ARID1B: variants seen among roughly 807,000 people sequenced by gnomAD.
ARID1B encodes the protein AT-rich interaction domain 1B.
ARID1B carries 30 observed loss-of-function variants against 212.3 expected under a neutral mutation model. That is an observed-to-expected ratio of 0.14 (90% CI 0.11 to 0.19). The LOEUF is 0.19. ARID1B is among the 10% of genes least tolerant of loss of function. The probability of loss-of-function intolerance (pLI) is 1.00; values close to 1 mark genes in which losing one functional copy is unlikely to be tolerated. For missense variants in ARID1B, 2,891 were observed against 3,204.0 expected (o/e 0.90, Z 2.36); for synonymous variants, 1,402 against 1,301.7 (o/e 1.08, Z -1.66).
At chr6:156,795,570 T>C (rs571282703) in intron 1 of ARID1B, among the ~76,000 whole-genome samples, 2 of 152,182 alleles carry the variant, frequency 1.3e-5, no homozygotes, top group East Asian at 3.9e-4. Context: ...AGTTCTTCAG[T>C]GAGGTTATTT....
chr6:157,182,943 T>G (rs1792671628), intron 12 of ARID1B, among the ~76,000 whole-genome samples: 1 of 152,174 alleles, frequency 6.6e-6, no homozygotes, highest in Non-Finnish European at 1.5e-5. Context: ...AACGATTAGA[T>G]TTTATCAGCC....
At position 157,062,091 on chromosome 6, in the gene ARID1B, C is replaced by T. The variant is rs147994248; in HGVS notation, c.2248-22571C>T. ...GGAGATAATAAAATGTTTGACAAAG[C>T]AGTCATGATAAGCCGAATCTACTTT... is the stretch of plus-strand genomic sequence containing the variant. On this transcript the variant is annotated intron_variant, in intron 4 of 19. Coordinates refer to ENST00000636930, the MANE Select transcript of ARID1B (RefSeq NM_001374828.1). 8.1e-3 allele frequency among the ~76,000 whole-genome samples: 1,232 copies of T among 152,318 alleles called. 21 individuals carry two copies. The highest frequency in any genetic ancestry group is 0.028 in the African/African-American group (1,179 of 41,562).
At chr6:156,954,471 C>G (rs1793812059) in intron 4 of ARID1B, among the ~76,000 whole-genome samples, 1 of 152,018 alleles carries the variant, frequency 6.6e-6, no homozygotes, top group South Asian at 2.1e-4. Context: ...AGTATTTTGT[C>G]TTTAGAATAA....
At chr6:157,112,447 A>C (rs1262817507) in intron 6 of ARID1B, among the ~76,000 whole-genome samples, 1 of 152,140 alleles carries the variant, frequency 6.6e-6, no homozygotes, top group Non-Finnish European at 1.5e-5. Context: ...CTGGGTGCCT[A>C]CTCGGGTCAG....
At chr6:157,099,558 T>A (rs1332168263) in intron 5 of ARID1B, among the ~76,000 whole-genome samples, 1 of 152,172 alleles carries the variant, frequency 6.6e-6, no homozygotes, top group African/African-American at 2.4e-5. Flanking sequence ...AAAGTTCTGG[T>A]TTGAATCTAT....
intron 4 of ARID1B, among the ~76,000 whole-genome samples, chr6:157,010,393 G>A (rs1779521432): frequency 6.6e-6 from 1 of 150,454 alleles, no homozygotes; most frequent in African/African-American, 2.5e-5. Flanking sequence ...GCTGATCTTG[G>A]CTCACTGCAA....
At chr6:156,868,001 C>T (rs888994875) in intron 2 of ARID1B, among the ~76,000 whole-genome samples, 2 of 152,204 alleles carry the variant, frequency 1.3e-5, no homozygotes, top group South Asian at 2.1e-4. Context: ...CCTTCCTGTC[C>T]CTAGCGCTCT....
At chr6:156,883,295 T>C (rs945774414) in intron 2 of ARID1B, among the ~76,000 whole-genome samples, 2 of 152,180 alleles carry the variant, frequency 1.3e-5, no homozygotes, top group Admixed American at 6.5e-5. Flanking sequence ...TTGCCTAATA[T>C]TCATATAAAC....
intron 4 of ARID1B, among the ~76,000 whole-genome samples, chr6:157,006,071 G>T (rs1391802557): frequency 6.6e-6 from 1 of 152,088 alleles, no homozygotes; most frequent in African/African-American, 2.4e-5. Flanking sequence ...ATCCAGGCAA[G>T]ATAGACTCCT....
At chr6:156,859,904 A>G (rs1412559465) in intron 2 of ARID1B, among the ~76,000 whole-genome samples, 1 of 152,196 alleles carries the variant, frequency 6.6e-6, no homozygotes, top group Non-Finnish European at 1.5e-5. Flanking sequence ...ACATAATTGT[A>G]TGCAGCAGGA....
At chr6:157,096,265 C>G (rs1785625638) in intron 5 of ARID1B, among the ~76,000 whole-genome samples, 1 of 152,212 alleles carries the variant, frequency 6.6e-6, no homozygotes, top group African/African-American at 2.4e-5. Context: ...GTGCCAAGAA[C>G]AGTGCCTGGC....
chr6:157,210,075 C>G lies in ARID1B; in HGVS notation c.*2184C>G, dbSNP rs1303973819. On this transcript the variant is annotated 3_prime_UTR_variant, in exon 20 of 20. Coordinates refer to ENST00000636930, the MANE Select transcript of ARID1B (RefSeq NM_001374828.1). ...CAGTTACAGTCATTGTGAGACGTGA[C>G]TCTCCAGTGTCACGAGGAAAAAAAT... is the stretch of plus-strand genomic sequence containing the variant. 2 of 232,936 alleles carry G rather than the reference C, an allele frequency of 8.6e-6. No homozygotes were observed. Among genetic ancestry groups the G allele is most frequent in the Non-Finnish European group, 1.7e-5 (2 of 117,932 alleles). 14.4% of individuals were successfully genotyped at this position (232,936 alleles called of 1,614,324 possible). A position where few individuals can be genotyped will look rare whatever the true frequency, so the allele number is the denominator to read the frequency against.
chr6:157,032,425 T>C (rs1781073806), intron 4 of ARID1B, among the ~76,000 whole-genome samples: 1 of 152,180 alleles, frequency 6.6e-6, no homozygotes, highest in African/African-American at 2.4e-5. Flanking sequence ...GATCACAAAT[T>C]ATAACTTGAA....
chr6:157,180,832 C>A, intron 11 of ARID1B, 137 bp from the exon 12 acceptor site: 1 of 679,854 alleles, frequency 1.5e-6, no homozygotes, highest in Non-Finnish European at 2.4e-6. Context: ...AGCCTTCATT[C>A]CTAATTGTTG....
chr6:156,957,453 AGGC>A (rs1794051587), intron 4 of ARID1B, among the ~76,000 whole-genome samples: 1 of 152,098 alleles, frequency 6.6e-6, no homozygotes, highest in Non-Finnish European at 1.5e-5. Flanking sequence ...GCAGAGTAGC[AGGC>A]CAAGTTCCAG....
intron 1 of ARID1B, among the ~76,000 whole-genome samples, chr6:156,827,595 C>T (rs1329570274): frequency 1.3e-5 from 2 of 152,276 alleles, no homozygotes; most frequent in East Asian, 1.9e-4. Context: ...TTCGTAAATT[C>T]GTGCTTCACG....
intron 6 of ARID1B, among the ~76,000 whole-genome samples, chr6:157,132,766 C>T (rs1562644706): frequency 6.6e-6 from 1 of 152,164 alleles, no homozygotes; most frequent in Non-Finnish European, 1.5e-5. Context: ...TTTTCTCCTC[C>T]TTCTCCCCTC....
intron 11 of ARID1B, among the ~76,000 whole-genome samples, chr6:157,178,466 G>A (rs192810746): frequency 1.3e-5 from 2 of 152,264 alleles, no homozygotes; most frequent in South Asian, 2.1e-4. Context: ...AAAGTAAAGC[G>A]TGTGGCAGTG....
intron 5 of ARID1B, among the ~76,000 whole-genome samples, chr6:157,109,140 C>A (rs1562624687): frequency 6.6e-6 from 1 of 152,122 alleles, no homozygotes; most frequent in Non-Finnish European, 1.5e-5. Flanking sequence ...GGGACCGTGT[C>A]CTGCCTGGCC....
Sources: gnomAD v4.1 joint callset for allele counts (sites outside exome capture counted in the v4.1 genomes callset) on GRCh38, gnomAD v4.1.1 for gene constraint, MANE v1.5 for transcripts, NCBI Gene and HGNC (gene_info 2026-07-23, HGNC 2026-07-21) for gene names.